The following APPBP2 variants were observed in gnomAD, a reference collection of about 807,000 sequenced individuals.
APPBP2 encodes amyloid protein-binding protein 2.
A neutral mutation model predicts 76.0 loss-of-function variants in APPBP2; 15 were observed. That is an observed-to-expected ratio of 0.20 (90% confidence interval 0.13 to 0.30). The LOEUF (loss-of-function observed/expected upper bound fraction) is 0.30, where lower values mean the gene tolerates loss of function less well. Among genes scored for constraint, APPBP2 ranks in the 10% least tolerant of loss-of-function variants. The pLI, the probability that APPBP2 is intolerant of heterozygous loss-of-function variation, is 1.00. For missense variants in APPBP2, 401 were observed against 687.2 expected, an observed-to-expected ratio of 0.58 and a Z score of 4.66; for synonymous variants, 222 against 242.2, an observed-to-expected ratio of 0.92 and a Z score of 0.77.
At chr17:60,471,158 TA>T (rs2090549648) in intron 4 of APPBP2, among the ~76,000 whole-genome samples, 1 of 152,184 alleles carries the variant, frequency 6.6e-6, no homozygotes, top group Admixed American at 6.5e-5. Context: ...ACTAGAAACT[TA>T]ATTGACATGT....
At chr17:60,465,071 G>C (rs959057483) in intron 5 of APPBP2, 1 of 152,098 alleles carries the variant, frequency 6.6e-6, no homozygotes, top group Non-Finnish European at 1.5e-5. Flanking sequence ...GTGGCCATGT[G>C]ATTTCTTTCC....
Position 60,447,477 on chromosome 17 carries a change from T to C in APPBP2, c.*104A>G. 1 of 1,346,006 alleles carries C rather than the reference T, an allele frequency of 7.4e-7. No homozygotes were observed. The allele number at this position is 1,346,006 out of a possible 1,614,324, so 83.4% of individuals were successfully genotyped here. ...TAGGGTCTTCAATGGACTGGACCAG[T>C]GTTTCAATGCAAATTCCAGCCCCCC... On this transcript the variant is annotated 3_prime_UTR_variant, in exon 13 of 13. Transcript: ENST00000083182.
intron 12 of APPBP2, among the ~76,000 whole-genome samples, chr17:60,450,437 CAA>C (rs374410554): frequency 3.8e-4 from 44 of 114,640 alleles, no homozygotes; most frequent in Admixed American, 5.4e-4. Context: ...GACTCCCTCT[CAA>C]AAAAAAAAAA....
chr17:60,461,704 G>A (rs2090477018), intron 8 of APPBP2, 106 bp downstream of exon 8: 2 of 725,070 alleles, frequency 2.8e-6, no homozygotes, highest in South Asian at 3.8e-5. Context: ...TGGTGGGCGG[G>A]GTAGTTGTCA....
At chr17:60,484,597 T>C (rs981229338) in intron 3 of APPBP2, among the ~76,000 whole-genome samples, 14 of 152,210 alleles carry the variant, frequency 9.2e-5, no homozygotes, top group African/African-American at 2.7e-4. Context: ...TTTAAGGAAG[T>C]TGCTTATCAG....
At chr17:60,454,225 A>T in intron 11 of APPBP2, 77 bp downstream of exon 11, 1 of 1,092,580 alleles carries the variant, frequency 9.2e-7, no homozygotes, top group East Asian at 2.6e-5. Flanking sequence ...AATTTATTTG[A>T]GCTTACTTAA....
chr17:60,475,215 G>A (rs1051686399), intron 4 of APPBP2, among the ~76,000 whole-genome samples: 8 of 151,968 alleles, frequency 5.3e-5, no homozygotes, highest in African/African-American at 1.9e-4. Flanking sequence ...GGGCGACAGA[G>A]ACTCCATCTC....
intron 2 of APPBP2, 51 bp downstream of exon 2, chr17:60,500,348 T>C (rs750206048): frequency 7.7e-7 from 1 of 1,292,180 alleles, no homozygotes; most frequent in South Asian, 1.3e-5. Flanking sequence ...TCGGTTAAAA[T>C]GGTAAATTTT....
chr17:60,525,607 C>T (rs1485585624), intron 1 of APPBP2, among the ~76,000 whole-genome samples, 187 bp downstream of exon 1: 7 of 152,166 alleles, frequency 4.6e-5, no homozygotes, highest in Non-Finnish European at 4.4e-5. Context: ...GGCCCCAAAG[C>T]TTAAGAGACA....
At chr17:60,504,871 C>CA in intron 1 of APPBP2, among the ~76,000 whole-genome samples, 2 of 152,286 alleles carry the variant, frequency 1.3e-5, no homozygotes, top group Non-Finnish European at 2.9e-5. Context: ...TGCATGCACA[C>CA]ACTCACACAT....
At chr17:60,486,775 T>G (rs559509616) in intron 3 of APPBP2, among the ~76,000 whole-genome samples, 1 of 152,198 alleles carries the variant, frequency 6.6e-6, no homozygotes, top group Non-Finnish European at 1.5e-5. Context: ...GTTGATGCAG[T>G]TTCTTCCGAG....
At chr17:60,455,090 AAG>A (rs2090422414) in intron 10 of APPBP2, among the ~76,000 whole-genome samples, 1 of 152,210 alleles carries the variant, frequency 6.6e-6, no homozygotes, top group Admixed American at 6.5e-5. Flanking sequence ...AGGTAAGAAA[AAG>A]AGATTTACTT....
chr17:60,455,076 A>G (rs2090422363), intron 10 of APPBP2, among the ~76,000 whole-genome samples: 1 of 152,196 alleles, frequency 6.6e-6, no homozygotes, highest in Non-Finnish European at 1.5e-5. Context: ...GTCTATGTAC[A>G]CAAAGGTAAG....
At chr17:60,469,851 A>C (rs771715369) in intron 4 of APPBP2, among the ~76,000 whole-genome samples, 14 of 152,208 alleles carry the variant, frequency 9.2e-5, no homozygotes, top group Non-Finnish European at 1.3e-4. Flanking sequence ...GCACACAAAT[A>C]TCTCTCGATT....
chr17:60,495,928 C>G (rs1476885962), intron 2 of APPBP2, among the ~76,000 whole-genome samples: 1 of 152,096 alleles, frequency 6.6e-6, no homozygotes, highest in Non-Finnish European at 1.5e-5. Flanking sequence ...GCAGTATTAT[C>G]CTTACGATGG....
chr17:60,455,909 C>G (rs1479863935), intron 10 of APPBP2, among the ~76,000 whole-genome samples: 1 of 152,146 alleles, frequency 6.6e-6, no homozygotes, highest in Non-Finnish European at 1.5e-5. Flanking sequence ...TCCCAAGTAG[C>G]TGGGATTACA....
intron 9 of APPBP2, chr17:60,459,744 G>A (rs2090462990): frequency 6.6e-6 from 1 of 152,216 alleles, no homozygotes; most frequent in Non-Finnish European, 1.5e-5. Context: ...CACCTGCCTT[G>A]GCCCGCCAAA....
At chr17:60,470,685 C>G (rs1035473813) in intron 4 of APPBP2, among the ~76,000 whole-genome samples, 1 of 152,060 alleles carries the variant, frequency 6.6e-6, no homozygotes, top group African/African-American at 2.4e-5. Context: ...TCAAGTGATT[C>G]TCCTGCCTCA....
At chr17:60,519,662 CTT>C (rs1402648925) in intron 1 of APPBP2, among the ~76,000 whole-genome samples, 2 of 150,730 alleles carry the variant, frequency 1.3e-5, no homozygotes, top group Non-Finnish European at 2.9e-5. Context: ...GGACTTGTCT[CTT>C]AAAAAAGAAA....
Sources: gnomAD v4.1 joint callset for allele counts (sites outside exome capture counted in the v4.1 genomes callset) on GRCh38, gnomAD v4.1.1 for gene constraint, MANE v1.5 for transcripts, NCBI Gene and HGNC (gene_info 2026-07-23, HGNC 2026-07-21) for gene names.